HS3ST5: variants seen among roughly 807,000 people sequenced by gnomAD.
HS3ST5 encodes heparan sulfate glucosamine 3-O-sulfotransferase 5.
A neutral mutation model predicts 25.4 loss-of-function variants in HS3ST5; 10 were observed. The ratio of observed to expected loss-of-function variants is 0.39; its 90% CI spans 0.24 to 0.67. HS3ST5 has a LOEUF of 0.67. HS3ST5 is among the 30% of genes least tolerant of loss of function. HS3ST5 has a pLI of 0.44. For synonymous variants in HS3ST5, 170 were observed against 162.4 expected, an observed-to-expected ratio of 1.05 and a Z score of -0.36; for missense variants, 324 against 420.7, an observed-to-expected ratio of 0.77 and a Z score of 2.01.
intron 1 of HS3ST5, among the ~76,000 whole-genome samples, chr6:114,266,409 A>G (rs1368589628): frequency 6.6e-6 from 1 of 152,226 alleles, no homozygotes; most frequent in African/African-American, 2.4e-5. Context: ...TTTGAGAAGT[A>G]AATGGAGTCA....
At chr6:114,230,293 A>T (rs1771518969) in intron 1 of HS3ST5, 1 of 151,450 alleles carries the variant, frequency 6.6e-6, no homozygotes, top group South Asian at 2.1e-4. Flanking sequence ...AAAAAGGAAG[A>T]CTCTCATCTT....
intron 3 of HS3ST5, among the ~76,000 whole-genome samples, chr6:114,161,554 T>A (rs1778965094): frequency 9.9e-6 from 1 of 101,192 alleles, no homozygotes; most frequent in East Asian, 3.4e-4. Flanking sequence ...TATATATATA[T>A]ATATATATAT....
rs779937708 is a variant in HS3ST5 at position 114,062,873 on chromosome 6, G to A, written c.-28C>T. 1.9e-6 allele frequency: 3 copies of A among 1,566,726 alleles called. No homozygotes were observed. In the South Asian group the frequency reaches 3.3e-5, roughly 17 times the overall value. Reference sequence around the variant, plus strand: ...CCCTCCATCAACCTTCAGGACTGCTGCAGCCTGCGATAGAAGGACTCATCA... The same window carrying A: ...CCCTCCATCAACCTTCAGGACTGCTACAGCCTGCGATAGAAGGACTCATCA... On this transcript the variant is annotated 5_prime_UTR_variant, in exon 4 of 5. Transcript: ENST00000312719.
intron 2 of HS3ST5, among the ~76,000 whole-genome samples, chr6:114,210,336 C>A (rs1781458339): frequency 6.6e-6 from 1 of 152,102 alleles, no homozygotes; most frequent in Non-Finnish European, 1.5e-5. Context: ...ATTAAAAAAT[C>A]TGTGATCACA....
intron 3 of HS3ST5, among the ~76,000 whole-genome samples, chr6:114,066,669 A>G (rs1465268972): frequency 6.6e-6 from 1 of 152,106 alleles, no homozygotes; most frequent in Non-Finnish European, 1.5e-5. Flanking sequence ...CAACAAAAAA[A>G]TTAGAATAAA....
intron 3 of HS3ST5, among the ~76,000 whole-genome samples, chr6:114,130,466 G>A (rs2114905246): frequency 6.6e-6 from 1 of 152,320 alleles, no homozygotes; most frequent in Admixed American, 6.5e-5. Context: ...GGTGGGAGAT[G>A]GTGGCTCATG....
intron 3 of HS3ST5, among the ~76,000 whole-genome samples, chr6:114,101,214 G>C (rs916359869): frequency 2.0e-5 from 3 of 151,978 alleles, no homozygotes; most frequent in Non-Finnish European, 4.4e-5. Flanking sequence ...GCCACAAAAG[G>C]GTTATTAAGC....
At chr6:114,227,358 G>T (rs2114517989) in intron 2 of HS3ST5, among the ~76,000 whole-genome samples, 1 of 151,614 alleles carries the variant, frequency 6.6e-6, no homozygotes, top group East Asian at 1.9e-4. Context: ...CTATAAGCCT[G>T]AAATCCAATA....
intron 1 of HS3ST5, among the ~76,000 whole-genome samples, chr6:114,261,137 C>T (rs1773151783): frequency 6.6e-6 from 1 of 151,890 alleles, no homozygotes; most frequent in Non-Finnish European, 1.5e-5. Flanking sequence ...ACAGTGCAGA[C>T]TCTTATTCAA....
intron 2 of HS3ST5, among the ~76,000 whole-genome samples, chr6:114,173,886 A>G (rs1349292322): frequency 6.6e-6 from 1 of 152,024 alleles, no homozygotes. Context: ...AACAAAAACA[A>G]GCAAACCAAC....
intron 3 of HS3ST5, chr6:114,084,485 G>C: frequency 2.6e-6 from 2 of 757,976 alleles, no homozygotes; most frequent in Non-Finnish European, 4.8e-6. Context: ...GGGTATTCAC[G>C]GGAAATGGTG....
chr6:114,262,265 C>T (rs372839233), intron 1 of HS3ST5, among the ~76,000 whole-genome samples: 21 of 152,076 alleles, frequency 1.4e-4, no homozygotes, highest in Admixed American at 2.6e-4. Context: ...TATTTCATAG[C>T]GGCTGGGCGC....
chr6:114,334,493 A>T (rs1269613757), intron 1 of HS3ST5, among the ~76,000 whole-genome samples: 6 of 152,160 alleles, frequency 3.9e-5, no homozygotes, highest in Non-Finnish European at 8.8e-5. Context: ...ACTGCATAAC[A>T]TCGTTTCGGC....
intron 1 of HS3ST5, among the ~76,000 whole-genome samples, chr6:114,298,165 T>G (rs1056476367): frequency 6.6e-6 from 1 of 152,196 alleles, no homozygotes; most frequent in African/African-American, 2.4e-5. Context: ...TTAGAAGGTA[T>G]AATTTATTTT....
intron 3 of HS3ST5, among the ~76,000 whole-genome samples, chr6:114,105,513 T>C (rs190573766): frequency 1.6e-4 from 25 of 152,354 alleles, no homozygotes; most frequent in Admixed American, 1.6e-3. Context: ...TTATATTTTT[T>C]ATTTATTTGA....
At chr6:114,129,054 T>TAATAGTATCTAC (rs1275943091) in intron 3 of HS3ST5, among the ~76,000 whole-genome samples, 2 of 152,180 alleles carry the variant, frequency 1.3e-5, no homozygotes, top group Non-Finnish European at 2.9e-5. Context: ...ACAGAGACTG[T>TAATAGTATCTAC]AATAGTATCT....
At chr6:114,107,922 A>G (rs1179377920) in intron 3 of HS3ST5, among the ~76,000 whole-genome samples, 5 of 152,238 alleles carry the variant, frequency 3.3e-5, no homozygotes, top group African/African-American at 1.2e-4. Flanking sequence ...TTCTCCTTAT[A>G]TTAATTTATA....
chr6:114,180,230 T>C (rs541853654), intron 2 of HS3ST5, among the ~76,000 whole-genome samples: 1 of 152,016 alleles, frequency 6.6e-6, no homozygotes, highest in African/African-American at 2.4e-5. Context: ...ACAATACTGC[T>C]CTCTAACTCT....
intron 2 of HS3ST5, among the ~76,000 whole-genome samples, chr6:114,176,654 C>G (rs1050087775): frequency 3.3e-5 from 5 of 152,152 alleles, no homozygotes; most frequent in African/African-American, 7.2e-5. Context: ...AAAGCATTTA[C>G]TGAATGCCTA....
Sources: gnomAD v4.1 joint callset for allele counts (sites outside exome capture counted in the v4.1 genomes callset) on GRCh38, gnomAD v4.1.1 for gene constraint, MANE v1.5 for transcripts, NCBI Gene and HGNC (gene_info 2026-07-23, HGNC 2026-07-21) for gene names.